TENM2: variants seen among roughly 807,000 people sequenced by gnomAD.
TENM2 encodes the protein teneurin transmembrane protein 2.
TENM2 carries 52 observed loss-of-function variants against 245.2 expected under a neutral mutation model. The ratio of observed to expected loss-of-function variants is 0.21; its 90% confidence interval spans 0.17 to 0.27. The LOEUF (loss-of-function observed/expected upper bound fraction) is 0.27, where lower values mean the gene tolerates loss of function less well. Among genes scored for constraint, TENM2 ranks in the 10% least tolerant of loss-of-function variants. The pLI, the probability that TENM2 is intolerant of heterozygous loss-of-function variation, is 1.00. For missense variants in TENM2, 3,046 were observed against 3,666.8 expected, an observed-to-expected ratio of 0.83 and a Z score of 4.37; for synonymous variants, 1,363 against 1,438.9, an observed-to-expected ratio of 0.95 and a Z score of 1.19.
At chr5:167,067,639 A>G in the TENM2 span, among the ~76,000 whole-genome samples, 1 of 152,176 alleles carries the variant, frequency 6.6e-6, no homozygotes. Flanking sequence ...TATTCTAAGC[A>G]TATCTTGTCA....
chr5:167,282,514 A>C (rs1391630834), upstream of TENM2, among the ~76,000 whole-genome samples: 1 of 152,208 alleles, frequency 6.6e-6, no homozygotes, highest in Non-Finnish European at 1.5e-5. Flanking sequence ...GTTAGATAGT[A>C]TATTAGGAAT....
Position 167,636,487 on chromosome 5 carries a change from A to G in TENM2, c.503-239499A>G, listed in dbSNP as rs573820335. On this transcript the variant is annotated intron_variant, in intron 2 of 28. Coordinates refer to ENST00000518659, the Ensembl canonical transcript of TENM2. Reference sequence around the variant, plus strand: ...CTCATTGAAATGGAAGTGGAAAAGTAGATTTAATCCATGCTTAATATTTGT... The same window carrying G: ...CTCATTGAAATGGAAGTGGAAAAGTGGATTTAATCCATGCTTAATATTTGT... Among the ~76,000 whole-genome samples, 4 of 152,350 alleles carry G rather than the reference A, an allele frequency of 2.6e-5. No individual in the cohort carries two copies. In the East Asian group the frequency reaches 7.7e-4, roughly 29 times the overall value.
the TENM2 span, among the ~76,000 whole-genome samples, chr5:167,165,539 G>A: frequency 1.3e-5 from 2 of 152,058 alleles, no homozygotes; most frequent in Non-Finnish European, 2.9e-5. Context: ...AGCACTGACT[G>A]TCTCTTCCAC....
At chr5:167,988,184 A>C (rs1487286309) in intron 4 of TENM2, among the ~76,000 whole-genome samples, 1 of 152,180 alleles carries the variant, frequency 6.6e-6, no homozygotes, top group Non-Finnish European at 1.5e-5. Context: ...ACAGGCATCA[A>C]CACGGCAGGA....
At chr5:167,014,925 C>T in the TENM2 span, among the ~76,000 whole-genome samples, 69 of 152,300 alleles carry the variant, frequency 4.5e-4, no homozygotes, top group African/African-American at 1.6e-3. Flanking sequence ...TAAAAGGATA[C>T]ATATAAACTG....
intron 11 of TENM2, among the ~76,000 whole-genome samples, 164 bp downstream of exon 13, chr5:168,125,214 C>CTG (rs1795760295): frequency 6.6e-6 from 1 of 152,180 alleles, no homozygotes; most frequent in African/African-American, 2.4e-5. Context: ...ATCGTGGAGT[C>CTG]TGTGATCTTT....
chr5:167,382,820 T>G (rs952591864), intron 2 of TENM2, among the ~76,000 whole-genome samples: 1 of 152,182 alleles, frequency 6.6e-6, no homozygotes, highest in Non-Finnish European at 1.5e-5. Context: ...AGAAATAGAC[T>G]ATGACACATT....
At chr5:167,956,071 A>G (rs1298655299) in intron 4 of TENM2, among the ~76,000 whole-genome samples, 1 of 152,076 alleles carries the variant, frequency 6.6e-6, no homozygotes. Flanking sequence ...CAGTGTGGCT[A>G]TTTTCACTAT....
intron 2 of TENM2, among the ~76,000 whole-genome samples, chr5:167,673,741 C>A (rs1422827632): frequency 6.6e-6 from 1 of 151,520 alleles, no homozygotes; most frequent in African/African-American, 2.4e-5. Flanking sequence ...CCTAGGGACA[C>A]CTTTTCTCCA....
chr5:167,408,487 A>G (rs1362074719), intron 2 of TENM2, among the ~76,000 whole-genome samples: 1 of 152,052 alleles, frequency 6.6e-6, no homozygotes, highest in Non-Finnish European at 1.5e-5. Context: ...GTGATAAATG[A>G]CATTTTTATT....
rs1181794428 is a variant in TENM2, at chr5:168,252,861, A to G, written c.7432+4490A>G. Among the ~76,000 whole-genome samples, 3 of 151,824 alleles carry G rather than the reference A, an allele frequency of 2.0e-5. No individual in the cohort carries two copies. In the East Asian group the frequency reaches 5.8e-4, roughly 29 times the overall value. The stretch of plus-strand genomic sequence containing the variant: ...AAACTCAGTCTCAAAAAAAAAAAAC[A>G]AAAAAGAAAAGAAAAGAGGCACTAC... On this transcript the variant is annotated intron_variant, in intron 27 of 28. Coordinates refer to ENST00000518659, the Ensembl canonical transcript of TENM2.
chr5:167,408,909 T>G (rs1383166005), intron 2 of TENM2, among the ~76,000 whole-genome samples: 1 of 150,644 alleles, frequency 6.6e-6, no homozygotes, highest in Non-Finnish European at 1.5e-5. Flanking sequence ...GTTTTAGACC[T>G]GTATGCTTTC....
At chr5:167,630,425 A>AT (rs1203117819) in intron 2 of TENM2, among the ~76,000 whole-genome samples, 12 of 152,146 alleles carry the variant, frequency 7.9e-5, no homozygotes, top group Non-Finnish European at 1.2e-4. Context: ...ACAGCATGGG[A>AT]TTTTATCACA....
At chr5:168,118,156 C>T (rs576572117) in intron 9 of TENM2, 136 bp from the exon 12 acceptor site, 8 of 573,574 alleles carry the variant, frequency 1.4e-5, no homozygotes, top group African/African-American at 1.1e-4. Context: ...TGGTTCTGCA[C>T]CTGCACAGCC....
intron 2 of TENM2, among the ~76,000 whole-genome samples, chr5:167,578,755 A>C (rs925102470): frequency 1.3e-5 from 2 of 152,172 alleles, no homozygotes; most frequent in Non-Finnish European, 1.5e-5. Context: ...ACTTTCTATA[A>C]ACCTTGACTA....
chr5:166,988,813 C>T, the TENM2 span, among the ~76,000 whole-genome samples: 24 of 152,278 alleles, frequency 1.6e-4, no homozygotes, highest in African/African-American at 5.8e-4. Flanking sequence ...TTGCACAATG[C>T]CTGCAAGAAA....
intron 2 of TENM2, among the ~76,000 whole-genome samples, chr5:167,822,047 T>C: frequency 6.6e-6 from 1 of 152,100 alleles, no homozygotes; most frequent in Non-Finnish European, 1.5e-5. Flanking sequence ...TTTTGTTTTG[T>C]TTTGTTTTAT....
intron 2 of TENM2, among the ~76,000 whole-genome samples, chr5:167,464,214 A>G (rs1766503578): frequency 2.0e-5 from 3 of 152,158 alleles, no homozygotes; most frequent in African/African-American, 7.2e-5. Context: ...CCCTGAGGAA[A>G]AGTTTATGTG....
rs1396813157 is a variant in TENM2 at position 167,352,803 on chromosome 5, A to G, written c.227-22395A>G. Among the ~76,000 whole-genome samples the G allele has an allele frequency of 2.0e-5, 3 of 152,370 alleles. No homozygotes were observed. The East Asian group carries it at 5.8e-4, about 29-fold the overall frequency. ...TGTCATGGTTGTCAAAGTCGGCATT[A>G]ACGCAAAATAATAAGTTATTTAATA... On this transcript the variant is annotated intron_variant, in intron 1 of 28. Coordinates refer to ENST00000518659, the Ensembl canonical transcript of TENM2.
Sources: gnomAD v4.1 joint callset for allele counts (sites outside exome capture counted in the v4.1 genomes callset) on GRCh38, gnomAD v4.1.1 for gene constraint, MANE v1.5 for transcripts, NCBI Gene and HGNC (gene_info 2026-07-23, HGNC 2026-07-21) for gene names.